Variants in PHIP observed in about 807,000 individuals in gnomAD.
The protein encoded by PHIP is PHIP subunit of CUL4-Ring ligase complex.
PHIP carries 54 observed loss-of-function variants against 236.8 expected under a neutral mutation model. The ratio of observed to expected loss-of-function variants is 0.23; its 90% CI spans 0.18 to 0.29. The LOEUF is 0.29. PHIP is among the 10% of genes least tolerant of loss of function. The probability of loss-of-function intolerance (pLI) is 1.00; values close to 1 mark genes in which losing one functional copy is unlikely to be tolerated. For synonymous variants in PHIP, 756 were observed against 718.9 expected, an observed-to-expected ratio of 1.05 and a Z score of -0.83; for missense variants, 1,370 against 2,190.8, an observed-to-expected ratio of 0.63 and a Z score of 7.48.
At chr6:79,050,506 T>C (rs1321481041) in intron 6 of PHIP, among the ~76,000 whole-genome samples, 1 of 152,150 alleles carries the variant, frequency 6.6e-6, no homozygotes, top group African/African-American at 2.4e-5. Flanking sequence ...AGATCAATAT[T>C]AGAAAAGAAA....
At chr6:79,006,796 C>T (rs1770315336) in intron 15 of PHIP, among the ~76,000 whole-genome samples, 2 of 151,924 alleles carry the variant, frequency 1.3e-5, no homozygotes, top group South Asian at 4.2e-4. Flanking sequence ...ATCAAGTATG[C>T]TTGTTATGCA....
intron 15 of PHIP, among the ~76,000 whole-genome samples, chr6:79,009,321 T>G (rs917332350): frequency 6.6e-6 from 1 of 152,126 alleles, no homozygotes; most frequent in Admixed American, 6.5e-5. Flanking sequence ...CTTTTTATAA[T>G]GTTCCTCTTG....
rs1287535033 is a variant in PHIP, at chr6:78,935,006, G to A, written c.*5687C>T. Among the ~76,000 whole-genome samples the A allele has an allele frequency of 6.6e-6, 1 of 152,080 alleles. No homozygotes were observed. The highest frequency in any genetic ancestry group is 1.5e-5 in the Non-Finnish European group (1 of 67,998). On this transcript the variant is annotated 3_prime_UTR_variant, in exon 40 of 40. Transcript: ENST00000275034. ...ACAAACACGAAGTACTATATTGCAAGGAACAGAGGTTTTGTGCTTTGGTCT... is the reference window on the plus strand; with the variant it reads ...ACAAACACGAAGTACTATATTGCAAAGAACAGAGGTTTTGTGCTTTGGTCT...
chr6:79,047,093 G>A (rs1008334327), intron 6 of PHIP, among the ~76,000 whole-genome samples: 1 of 152,060 alleles, frequency 6.6e-6, no homozygotes, highest in African/African-American at 2.4e-5. Flanking sequence ...TTATCCATTT[G>A]AATAAAGTCT....
At chr6:79,028,452 G>T (rs1302825187) in intron 7 of PHIP, among the ~76,000 whole-genome samples, 1 of 152,046 alleles carries the variant, frequency 6.6e-6, no homozygotes, top group Admixed American at 6.6e-5. Context: ...AGCTGTTTGG[G>T]GAATAAAAGG....
At chr6:78,998,231 C>A (rs776750391) in intron 18 of PHIP, 23 bp downstream of exon 18, 6 of 1,591,570 alleles carry the variant, frequency 3.8e-6, no homozygotes, top group Non-Finnish European at 4.3e-6. Context: ...AAATATTTCA[C>A]TTAAAATAGA....
At chr6:78,948,045 T>C (rs1162798954) in intron 35 of PHIP, among the ~76,000 whole-genome samples, 2 of 152,052 alleles carry the variant, frequency 1.3e-5, no homozygotes, top group Non-Finnish European at 2.9e-5. Context: ...TGGAGTTGTA[T>C]TGGAAAAGGG....
At chr6:79,074,624 T>C (rs1774060438) in intron 4 of PHIP, among the ~76,000 whole-genome samples, 1 of 152,130 alleles carries the variant, frequency 6.6e-6, no homozygotes, top group East Asian at 1.9e-4. Context: ...ATTTACTTTG[T>C]TAAAAATGTT....
intron 35 of PHIP, among the ~76,000 whole-genome samples, chr6:78,952,428 GA>G (rs1188992535): frequency 0.014 from 816 of 57,658 alleles, 3 homozygotes; most frequent in African/African-American, 0.043. Context: ...AAAAAAAAAA[GA>G]AAAAAAAAAA....
At chr6:79,058,316 A>T (rs1351186814) in intron 6 of PHIP, among the ~76,000 whole-genome samples, 1 of 152,070 alleles carries the variant, frequency 6.6e-6, no homozygotes, top group Non-Finnish European at 1.5e-5. Flanking sequence ...TCCACTACGG[A>T]TCTCAGAATG....
chr6:78,946,371 TATG>T, intron 37 of PHIP, 111 bp from the exon 38 acceptor site: 1 of 1,397,204 alleles, frequency 7.2e-7, no homozygotes, highest in South Asian at 1.5e-5. Flanking sequence ...TATGTTAAAA[TATG>T]AGATTTATAG....
intron 22 of PHIP, among the ~76,000 whole-genome samples, chr6:78,984,520 C>G (rs958082086): frequency 7.2e-5 from 11 of 152,174 alleles, no homozygotes; most frequent in Non-Finnish European, 1.2e-4. Context: ...CTAAAACCAC[C>G]ACTACTCTTT....
chr6:78,975,136 C>G (rs975541067), intron 24 of PHIP, among the ~76,000 whole-genome samples: 31 of 151,890 alleles, frequency 2.0e-4, no homozygotes, highest in Non-Finnish European at 4.1e-4. Flanking sequence ...AAAATACTGG[C>G]AAACCGAATC....
Position 79,019,162 on chromosome 6 carries a change from G to A in PHIP, c.924-3C>T, listed in dbSNP as rs767472872. On this transcript the variant is annotated splice_region_variant and splice_polypyrimidine_tract_variant and intron_variant, in intron 9 of 39. Transcript: ENST00000275034. Reference sequence around the variant, plus strand: ...CTGTAAATTTTGCAGGTCTTGGGCTGTAATACAAAAAATAAAGAATTAAAA... The same window carrying A: ...CTGTAAATTTTGCAGGTCTTGGGCTATAATACAAAAAATAAAGAATTAAAA... The A allele has an allele frequency of 1.9e-6, 3 of 1,602,616 alleles. No individual in the cohort carries two copies. Among genetic ancestry groups the A allele is most frequent in the African/African-American group, 1.3e-5 (1 of 74,630 alleles).
chr6:78,988,099 C>A, intron 21 of PHIP, 110 bp downstream of exon 21: 1 of 682,246 alleles, frequency 1.5e-6, no homozygotes, highest in Non-Finnish European at 2.2e-6. Context: ...CCCCAAAATG[C>A]CATATTTAAG....
chr6:79,002,100 T>C lies in PHIP; in HGVS notation c.1678A>G (p.Ser560Gly). 1 of 1,612,438 alleles carries C rather than the reference T, an allele frequency of 6.2e-7. No individual in the cohort carries two copies. The highest frequency in any genetic ancestry group is 8.5e-7 in the Non-Finnish European group (1 of 1,178,766). The change falls in exon 17 of 40, where the codon AGT (serine) becomes GGT (glycine). Residue 560 changes from serine to glycine, a missense_variant. By Grantham distance (56) the Ser-to-Gly change is moderately conservative. This residue lies in a region of PHIP where 133 missense variants were observed against 245.2 expected (regional missense o/e 0.54). Coordinates refer to ENST00000275034, the MANE Select transcript of PHIP (RefSeq NM_017934.7). The stretch of plus-strand genomic sequence containing the variant: ...TCACGAATAAGTGGCCGATAATCAC[T>C]ATGAAAGAACATCTGATCTGCTATC... ...DKIADQMFFH[S>G]DYRPLIRDAN... is the part of the protein sequence containing the mutation.
In PHIP at chr6:78,958,618, TAGA is replaced by T. The variant is rs750582703; in HGVS notation, c.3657-21_3657-19del. 2 of 1,478,520 alleles carry T rather than the reference TAGA, an allele frequency of 1.4e-6. No individual in the cohort carries two copies. Among genetic ancestry groups the T allele is most frequent in the East Asian group, 2.3e-5 (1 of 44,106 alleles). 91.6% of individuals were successfully genotyped at this position (1,478,520 alleles called of 1,614,324 possible). A position where few individuals can be genotyped will look rare whatever the true frequency, so the allele number is the denominator to read the frequency against. ...AAACCCGCCTTAAAAAAACAAAATA[TAGA>T]AGTTTTAACTTCCTTATATTTAGAA... is the stretch of plus-strand genomic sequence containing the variant. On this transcript the variant is annotated intron_variant, in intron 31 of 39. Coordinates refer to ENST00000275034, the MANE Select transcript of PHIP (RefSeq NM_017934.7).
intron 17 of PHIP, among the ~76,000 whole-genome samples, chr6:78,999,537 A>C (rs1269138783): frequency 6.6e-6 from 1 of 152,132 alleles, no homozygotes; most frequent in Non-Finnish European, 1.5e-5. Context: ...ATCTAGTACA[A>C]TGCTAGGCAT....
intron 29 of PHIP, among the ~76,000 whole-genome samples, chr6:78,965,349 C>G (rs1767061071): frequency 6.6e-6 from 1 of 152,170 alleles, no homozygotes; most frequent in Non-Finnish European, 1.5e-5. Flanking sequence ...CCGTCTCACT[C>G]AAAAGCATGA....
Sources: allele counts gnomAD v4.1 joint callset (sites outside exome capture counted in the v4.1 genomes callset), GRCh38; gene constraint gnomAD v4.1.1; regional missense constraint gnomAD v4.1.1; transcripts MANE v1.5; gene names NCBI Gene and HGNC (gene_info 2026-07-23, HGNC 2026-07-21).